The following CTNND2 variants were observed in gnomAD, a reference collection of about 807,000 sequenced individuals.
The protein encoded by CTNND2 is catenin delta-2.
In CTNND2, 22 loss-of-function variants were observed where a neutral mutation model predicts 144.4. The observed-to-expected ratio is 0.15, with a 90% confidence interval of 0.11 to 0.22. CTNND2 has a LOEUF of 0.22. Among genes scored for constraint, CTNND2 ranks in the 10% least tolerant of loss-of-function variants. The probability of loss-of-function intolerance (pLI) is 1.00; values close to 1 mark genes in which losing one functional copy is unlikely to be tolerated. For synonymous variants in CTNND2, 751 were observed against 695.6 expected (o/e 1.08, Z -1.25); for missense variants, 1,353 against 1,618.8 (o/e 0.84, Z 2.82).
intron 3 of CTNND2, among the ~76,000 whole-genome samples, chr5:11,536,120 G>C (rs1420419504): frequency 2.6e-5 from 4 of 152,196 alleles, no homozygotes; most frequent in Admixed American, 1.3e-4. Flanking sequence ...CTGAAGTGCA[G>C]TGTCACTATC....
chr5:11,619,449 A>C (rs1780731982), intron 2 of CTNND2, among the ~76,000 whole-genome samples: 1 of 152,046 alleles, frequency 6.6e-6, no homozygotes, highest in Admixed American at 6.6e-5. Flanking sequence ...ATTTATTCTC[A>C]GTATTTTTTC....
At chr5:11,247,190 G>A (rs1001710708) in intron 9 of CTNND2, among the ~76,000 whole-genome samples, 1 of 152,148 alleles carries the variant, frequency 6.6e-6, no homozygotes. Context: ...AGATTCTGAG[G>A]GGTGGGGCAG....
intron 9 of CTNND2, among the ~76,000 whole-genome samples, chr5:11,331,037 T>TTTGTTA (rs1753094451): frequency 2.0e-5 from 3 of 152,218 alleles, no homozygotes; most frequent in Non-Finnish European, 4.4e-5. Flanking sequence ...CAAGGCACCC[T>TTTGTTA]ACAGAAACGT....
chr5:11,028,706 C>T (rs1223496481), intron 16 of CTNND2, among the ~76,000 whole-genome samples: 1 of 152,132 alleles, frequency 6.6e-6, no homozygotes, highest in Non-Finnish European at 1.5e-5. Context: ...TCAGAATGTA[C>T]ACTCTTTTTT....
chr5:11,691,229 G>A (rs1784894316), intron 2 of CTNND2, among the ~76,000 whole-genome samples: 1 of 152,030 alleles, frequency 6.6e-6, no homozygotes, highest in African/African-American at 2.4e-5. Context: ...AAATTAACCA[G>A]GCGTGGTGGT....
intron 12 of CTNND2, among the ~76,000 whole-genome samples, chr5:11,145,224 T>A (rs963944742): frequency 2.6e-5 from 4 of 152,188 alleles, no homozygotes; most frequent in Non-Finnish European, 2.9e-5. Context: ...TGCCGAAGAA[T>A]ATTTTAATGC....
rs1266071618 is a variant in CTNND2 at position 11,397,027 on chromosome 5, C to A, written c.612+4G>T. ...ACTGACACCATACAGCACTGGGTAC[C>A]TACCTGGCTGAAGCTCTGGCCCGTA... On this transcript the variant is annotated splice_donor_region_variant and intron_variant, in intron 6 of 21. Coordinates refer to ENST00000304623, the MANE Select transcript of CTNND2 (RefSeq NM_001332.4). 6 of 1,612,534 alleles carry A rather than the reference C, an allele frequency of 3.7e-6. No homozygotes were observed. In the East Asian group the frequency reaches 8.9e-5, roughly 24 times the overall value.
intron 11 of CTNND2, among the ~76,000 whole-genome samples, chr5:11,192,019 T>C (rs1736300476): frequency 6.6e-6 from 1 of 152,192 alleles, no homozygotes; most frequent in African/African-American, 2.4e-5. Flanking sequence ...CTAATCCTGA[T>C]AACAAGTCCC....
At chr5:11,339,577 G>A (rs1754042577) in intron 9 of CTNND2, among the ~76,000 whole-genome samples, 1 of 152,192 alleles carries the variant, frequency 6.6e-6, no homozygotes, top group Non-Finnish European at 1.5e-5. Flanking sequence ...TATTATGGCA[G>A]CCACTATGGT....
intron 1 of CTNND2, among the ~76,000 whole-genome samples, chr5:11,750,819 A>C (rs751929193): frequency 4.6e-5 from 7 of 151,834 alleles, no homozygotes; most frequent in Admixed American, 2.6e-4. Flanking sequence ...TTTAATTCCT[A>C]AATTATCTTT....
intron 9 of CTNND2, among the ~76,000 whole-genome samples, chr5:11,282,243 C>T (rs549121988): frequency 3.4e-4 from 52 of 152,260 alleles, no homozygotes; most frequent in African/African-American, 1.2e-3. Context: ...TCATGCTTCT[C>T]GTCTGACATT....
intron 1 of CTNND2, among the ~76,000 whole-genome samples, chr5:11,740,794 G>A (rs1026015571): frequency 2.0e-5 from 3 of 152,102 alleles, no homozygotes; most frequent in Non-Finnish European, 4.4e-5. Context: ...CTACCCATCT[G>A]ACAAAGGCCT....
intron 2 of CTNND2, among the ~76,000 whole-genome samples, chr5:11,617,917 T>C (rs750265957): frequency 6.6e-6 from 1 of 152,198 alleles, no homozygotes; most frequent in South Asian, 2.1e-4. Context: ...ATTTTATGGA[T>C]GGAAAAGGGA....
At chr5:11,812,457 G>GT (rs1315981500) in intron 1 of CTNND2, among the ~76,000 whole-genome samples, 1 of 152,104 alleles carries the variant, frequency 6.6e-6, no homozygotes, top group Non-Finnish European at 1.5e-5. Context: ...ACTCTCCCCA[G>GT]TAACAGACAC....
intron 3 of CTNND2, among the ~76,000 whole-genome samples, chr5:11,532,789 A>C (rs1449836328): frequency 6.6e-6 from 1 of 152,256 alleles, no homozygotes; most frequent in Non-Finnish European, 1.5e-5. Flanking sequence ...TCACTGAATA[A>C]ATTTTTACAT....
At chr5:11,391,443 G>A (rs970882141) in intron 6 of CTNND2, among the ~76,000 whole-genome samples, 11 of 152,128 alleles carry the variant, frequency 7.2e-5, no homozygotes, top group Non-Finnish European at 1.2e-4. Context: ...TATATGAAAT[G>A]TTCCTATAAT....
At chr5:11,043,359 T>C (rs1432863149) in intron 16 of CTNND2, among the ~76,000 whole-genome samples, 6 of 152,214 alleles carry the variant, frequency 3.9e-5, no homozygotes, top group African/African-American at 1.4e-4. Flanking sequence ...AGCATTATTA[T>C]TACTCTACCC....
At chr5:11,540,777 T>C (rs1466060510) in intron 3 of CTNND2, among the ~76,000 whole-genome samples, 3 of 152,194 alleles carry the variant, frequency 2.0e-5, no homozygotes, top group African/African-American at 7.2e-5. Flanking sequence ...ACCAATCATG[T>C]TGCAGTCTTA....
chr5:11,079,411 G>A (rs999046546), intron 16 of CTNND2, among the ~76,000 whole-genome samples: 5 of 152,176 alleles, frequency 3.3e-5, no homozygotes, highest in African/African-American at 1.2e-4. Flanking sequence ...CCTAACACCA[G>A]ATGCCTACCA....
Sources: allele counts gnomAD v4.1 joint callset (sites outside exome capture counted in the v4.1 genomes callset), GRCh38; gene constraint gnomAD v4.1.1; transcripts MANE v1.5; gene names NCBI Gene and HGNC (gene_info 2026-07-23, HGNC 2026-07-21).